The following UXS1 variants were observed in gnomAD, a reference collection of about 807,000 sequenced individuals.
UXS1 encodes UDP-glucuronate decarboxylase 1.
UXS1 carries 33 observed loss-of-function variants against 62.6 expected under a neutral mutation model. The observed-to-expected ratio is 0.53, with a 90% CI of 0.40 to 0.70. UXS1 has a LOEUF of 0.70. Among genes scored for constraint, UXS1 ranks in the 30% least tolerant of loss-of-function variants. The pLI is 0.00. For synonymous variants in UXS1, 213 were observed against 206.8 expected, an observed-to-expected ratio of 1.03 and a Z score of -0.26; for missense variants, 434 against 556.3, an observed-to-expected ratio of 0.78 and a Z score of 2.21.
rs1684567109 is a variant in UXS1, at chr2:106,186,507, C to T, written c.94+7641G>A. Among the ~76,000 whole-genome samples, 4 of 150,996 alleles carry T rather than the reference C, an allele frequency of 2.6e-5. No individual in the cohort carries two copies. The South Asian group carries it at 6.3e-4, about 24-fold the overall frequency. Reference sequence around the variant, plus strand: ...ATGAATATACGTAAATATGTATATACACACACACACATATATAGGTAAATG... The same window carrying T: ...ATGAATATACGTAAATATGTATATATACACACACACATATATAGGTAAATG... On this transcript the variant is annotated intron_variant, in intron 1 of 14. Transcript: ENST00000283148.
chr2:106,157,595 T>C (rs1156443126), intron 5 of UXS1, among the ~76,000 whole-genome samples: 1 of 152,154 alleles, frequency 6.6e-6, no homozygotes, highest in Non-Finnish European at 1.5e-5. Context: ...TTATTCACGA[T>C]AGCCTCAAGG....
intron 4 of UXS1, chr2:106,159,103 C>T (rs747336678): frequency 2.0e-5 from 3 of 152,344 alleles, no homozygotes; most frequent in Non-Finnish European, 2.9e-5. Context: ...CATTCTCACA[C>T]GTGGCTGGCC....
intron 8 of UXS1, 138 bp from the exon 9 acceptor site, chr2:106,123,229 G>C: frequency 8.3e-7 from 1 of 1,209,438 alleles, no homozygotes; most frequent in East Asian, 2.7e-5. Flanking sequence ...GGCAACCTCA[G>C]GTTTCCAGTC....
Position 106,129,791 on chromosome 2 carries a change from A to C in UXS1, c.473-13T>G. On this transcript the variant is annotated splice_polypyrimidine_tract_variant and intron_variant, in intron 6 of 14. Transcript: ENST00000283148. ...TATATCTGGTCAACTAAAGGAGACA[A>C]AACAGAAGCCTATTACTTCAAAAAA... The C allele has an allele frequency of 1.3e-6, 2 of 1,571,956 alleles. No homozygotes were observed. Among genetic ancestry groups the C allele is most frequent in the Non-Finnish European group, 1.7e-6 (2 of 1,153,464 alleles).
At chr2:106,139,029 T>G in intron 6 of UXS1, 1 of 299,598 alleles carries the variant, frequency 3.3e-6, no homozygotes, top group Non-Finnish European at 4.9e-6. Context: ...AACAACCGGC[T>G]TCGGAATATA....
At chr2:106,176,849 G>A (rs1396630338) in intron 1 of UXS1, among the ~76,000 whole-genome samples, 1 of 152,188 alleles carries the variant, frequency 6.6e-6, no homozygotes, top group African/African-American at 2.4e-5. Flanking sequence ...CCTCCAGGAA[G>A]CCAGAACTCC....
chr2:106,098,682 C>A lies in UXS1; in HGVS notation c.1042+34G>T. On this transcript the variant is annotated intron_variant, in intron 13 of 14. Transcript: ENST00000283148. ...TATTAACAGATAGGGCAGGCACAGT[C>A]GATTTTACTCAGGAAATGACTTATC... The A allele has an allele frequency of 1.9e-6, 3 of 1,572,612 alleles. No homozygotes were observed. The South Asian group carries it at 3.4e-5, about 18-fold the overall frequency.
intron 7 of UXS1, among the ~76,000 whole-genome samples, chr2:106,128,571 C>T (rs749733847): frequency 6.6e-6 from 1 of 152,308 alleles, no homozygotes; most frequent in East Asian, 1.9e-4. Context: ...TTACACAGAA[C>T]ATCGATCTGC....
chr2:106,134,011 G>A (rs1680543693), intron 6 of UXS1, among the ~76,000 whole-genome samples: 5 of 110,914 alleles, frequency 4.5e-5, no homozygotes, highest in African/African-American at 1.6e-4. Context: ...TAGACCGCTA[G>A]CAAGACTAAT....
chr2:106,173,028 C>G (rs1683662330), intron 1 of UXS1, among the ~76,000 whole-genome samples: 1 of 152,204 alleles, frequency 6.6e-6, no homozygotes, highest in Admixed American at 6.5e-5. Context: ...GCCCACTTAG[C>G]CTTTCTTTTT....
chr2:106,189,842 T>C (rs747340697), intron 1 of UXS1, among the ~76,000 whole-genome samples: 3 of 152,248 alleles, frequency 2.0e-5, no homozygotes, highest in Admixed American at 1.3e-4. Context: ...GCAGAAAATA[T>C]ACTTATGGGT....
rs1257164467 is a variant in UXS1 at position 106,094,101 on chromosome 2, C to T, written c.1203G>A (p.Glu401=). ...KAIHYFRKEL[E]YQANNQYIPK... is the part of the protein sequence containing the mutation. Reference sequence around the variant, plus strand: ...GGATGTACTGATTATTTGCCTGGTACTCGAGTTCTTTACGGAAGTAGTGAA... The same window carrying T: ...GGATGTACTGATTATTTGCCTGGTATTCGAGTTCTTTACGGAAGTAGTGAA... The change falls in exon 15 of 15, where the codon GAG becomes GAA. Residue 401 remains glutamate (E), a synonymous_variant. Coordinates refer to ENST00000283148, the MANE Select transcript of UXS1 (RefSeq NM_001253875.2). The T allele has an allele frequency of 1.2e-6, 2 of 1,613,200 alleles. No homozygotes were observed. Among genetic ancestry groups the T allele is most frequent in the South Asian group, 2.2e-5 (2 of 91,028 alleles).
intron 6 of UXS1, among the ~76,000 whole-genome samples, chr2:106,140,261 G>GCA (rs1177180090): frequency 6.6e-6 from 1 of 152,136 alleles, no homozygotes; most frequent in African/African-American, 2.4e-5. Context: ...TGAAGCCACC[G>GCA]CAGGGGAAAG....
At chr2:106,113,772 G>A (rs930189005) in intron 9 of UXS1, among the ~76,000 whole-genome samples, 6 of 152,196 alleles carry the variant, frequency 3.9e-5, no homozygotes, top group South Asian at 4.1e-4. Flanking sequence ...TTCTCACTGC[G>A]CCCATGTGTC....
intron 8 of UXS1, among the ~76,000 whole-genome samples, chr2:106,124,343 C>T (rs1426452448): frequency 1.3e-5 from 2 of 152,186 alleles, no homozygotes; most frequent in African/African-American, 2.4e-5. Context: ...GACTGAAATG[C>T]CCAGGATGCC....
chr2:106,122,973 C>T lies in UXS1; in HGVS notation c.756G>A (p.Lys252=). 1 of 1,613,796 alleles carries T rather than the reference C, an allele frequency of 6.2e-7. No homozygotes were observed. Among genetic ancestry groups the T allele is most frequent in the Non-Finnish European group, 8.5e-7 (1 of 1,179,762 alleles). Residue 252 remains lysine, a synonymous_variant, in exon 9 of 15, where the codon AAG becomes AAA. Coordinates refer to ENST00000283148, the MANE Select transcript of UXS1 (RefSeq NM_001253875.2). ...AGCCTAGACCCTGGTGAAATACCTG[C>T]TTCATGTAGGCATAGCACATGGTCT... is the stretch of plus-strand genomic sequence containing the variant. The part of the protein sequence containing the change: ...VAETMCYAYM[K]QEGVEVRVAR...
chr2:106,154,919 G>C (rs1479005366), intron 5 of UXS1, among the ~76,000 whole-genome samples: 2 of 152,216 alleles, frequency 1.3e-5, no homozygotes, highest in Non-Finnish European at 2.9e-5. Context: ...GGTCCTGCAG[G>C]CTGTACATGA....
At chr2:106,113,740 G>A (rs753209890) in intron 9 of UXS1, among the ~76,000 whole-genome samples, 3 of 152,230 alleles carry the variant, frequency 2.0e-5, no homozygotes, top group East Asian at 1.9e-4. Context: ...GGGAGCCTGG[G>A]GCGTGAGGAC....
intron 6 of UXS1, 23 bp downstream of exon 6, chr2:106,145,166 TA>T: frequency 6.2e-7 from 1 of 1,606,892 alleles, no homozygotes; most frequent in Non-Finnish European, 8.5e-7. Context: ...CTCTGAATAA[TA>T]ACAATGTGCA....
Sources: allele counts gnomAD v4.1 joint callset (sites outside exome capture counted in the v4.1 genomes callset), GRCh38; gene constraint gnomAD v4.1.1; transcripts MANE v1.5; gene names NCBI Gene and HGNC (gene_info 2026-07-23, HGNC 2026-07-21).